CD300LB: variants seen among roughly 807,000 people sequenced by gnomAD.
The protein encoded by CD300LB is CMRF35-like molecule 7.
CD300LB carries 18 observed loss-of-function variants against 20.8 expected under a neutral mutation model. The observed-to-expected ratio is 0.87, with a 90% CI of 0.60 to 1.28. CD300LB has a LOEUF of 1.28. CD300LB is among the 50% of genes most tolerant of loss of function. CD300LB has a pLI of 0.00. For missense variants in CD300LB, 222 were observed against 251.8 expected (o/e 0.88, Z 0.80); for synonymous variants, 91 against 91.3 (o/e 1.00, Z 0.02).
Position 74,525,934 on chromosome 17 carries a change from T to A in CD300LB, c.184A>T (p.Ile62Phe). Residue 62 changes from isoleucine (I) to phenylalanine (F), a missense_variant, in exon 2 of 4, where the codon ATT (isoleucine) becomes TTT (phenylalanine). Physicochemically the swap from Ile to Phe is conservative, Grantham distance 21 (BLOSUM62 0). Transcript: ENST00000392621. ...CCTTGCTCCGACCCTCTGGTTTCAA[T>A]GAGGATCTTGCATGTATCCCAGCGC... is the stretch of plus-strand genomic sequence containing the variant. ...GVRWDTCKIL[I>F]ETRGSEQGEK... 6.2e-7 allele frequency: 1 copy of A among 1,614,170 alleles called. No individual in the cohort carries two copies. The highest frequency in any genetic ancestry group is 1.1e-5 in the South Asian group (1 of 91,088).
rs1007893368 is a variant in CD300LB at position 74,522,117 on chromosome 17, C to T, written c.*621G>A. 116 of 985,180 alleles carry T rather than the reference C, an allele frequency of 1.2e-4. No individual in the cohort carries two copies. The highest frequency in any genetic ancestry group is 6.8e-4 in the Admixed American group (11 of 16,256). The allele number at this position is 985,180 out of a possible 1,614,324, so 61.0% of individuals were successfully genotyped here. The stretch of plus-strand genomic sequence containing the variant: ...GGGAGGGGGAGGACAAGCACCGGGC[C>T]GGGCCAGGGAGGTTCCCATTGCCTC... On this transcript the variant is annotated 3_prime_UTR_variant, in exon 4 of 4. Transcript: ENST00000392621.
chr17:74,523,525 T>C, intron 3 of CD300LB, 54 bp downstream of exon 3: 1 of 1,314,962 alleles, frequency 7.6e-7, no homozygotes, highest in Non-Finnish European at 1.1e-6. Context: ...CAGGCTTGGC[T>C]TCCCCTTAGG....
chr17:74,527,311 G>T lies in CD300LB; in HGVS notation c.41-1234C>A, dbSNP rs554750299. On this transcript the variant is annotated intron_variant, in intron 1 of 3. Transcript: ENST00000392621. ...CGGGTTTCTTGATCACGCAGAAGTG[G>T]ATAAACAGGCAGAGAATCACAGGGG... is the stretch of plus-strand genomic sequence containing the variant. 1.5e-4 allele frequency among the ~76,000 whole-genome samples: 23 copies of T among 152,352 alleles called. No individual in the cohort carries two copies. In the East Asian group the frequency reaches 4.2e-3, roughly 28 times the overall value.
chr17:74,523,931 CT>C (rs1192033801), intron 2 of CD300LB, among the ~76,000 whole-genome samples: 6 of 152,066 alleles, frequency 3.9e-5, no homozygotes, highest in Non-Finnish European at 7.4e-5. Context: ...TTTTTTCATA[CT>C]TTCTTTCCAC....
At position 74,523,603 on chromosome 17, in the gene CD300LB, G is replaced by A; in HGVS notation, c.419C>T (p.Ala140Val). ...CCTCTTGTGGGAGCCGATGAACACTGCCATATTGCTGTTGGTAGGTGAGCT... is the reference window on the plus strand; with the variant it reads ...CCTCTTGTGGGAGCCGATGAACACTACCATATTGCTGTTGGTAGGTGAGCT... Reference protein sequence around the residue: ...TASSPTNSNMAVFIGSHKRNH... With the variant: ...TASSPTNSNMVVFIGSHKRNH... Residue 140 changes from alanine (A) to valine (V), a missense_variant, in exon 3 of 4, where the codon GCA (alanine) becomes GTA (valine). Coordinates refer to ENST00000392621, the MANE Select transcript of CD300LB (RefSeq NM_174892.4). 1 of 1,613,322 alleles carries A rather than the reference G, an allele frequency of 6.2e-7. No individual in the cohort carries two copies. The highest frequency in any genetic ancestry group is 8.5e-7 in the Non-Finnish European group (1 of 1,179,246).
Position 74,531,292 on chromosome 17 carries a change from A to G in CD300LB, c.40+19T>C. The G allele has an allele frequency of 6.5e-7, 1 of 1,539,992 alleles. No homozygotes were observed. ...CTGCCCCTGTCATACCAAGCGCCCA[A>G]GGCCCCAGCCCCACTCACCTGAGAG... On this transcript the variant is annotated intron_variant, in intron 1 of 3. Coordinates refer to ENST00000392621, the MANE Select transcript of CD300LB (RefSeq NM_174892.4).
Position 74,521,329 on chromosome 17 carries a change from C to T in CD300LB, c.*1409G>A, listed in dbSNP as rs966147972. 6.2e-5 allele frequency: 61 copies of T among 985,050 alleles called. No individual in the cohort carries two copies. Among genetic ancestry groups the T allele is most frequent in the Non-Finnish European group, 7.4e-5 (61 of 829,664 alleles). 61.0% of individuals were successfully genotyped at this position (985,050 alleles called of 1,614,324 possible). On this transcript the variant is annotated 3_prime_UTR_variant, in exon 4 of 4. Transcript: ENST00000392621. ...CCCTCCCGCGGAGCGGTGCCGTCCT[C>T]CCTGGGTCTGGTCGGATCTTCGGGA...
chr17:74,522,561 G>C lies in CD300LB; in HGVS notation c.*177C>G, dbSNP rs1013734260. The C allele has an allele frequency of 1.6e-5, 22 of 1,401,962 alleles. No individual in the cohort carries two copies. The highest frequency in any genetic ancestry group is 1.9e-5 in the Non-Finnish European group (21 of 1,077,790). 86.8% of individuals were successfully genotyped at this position (1,401,962 alleles called of 1,614,324 possible). On this transcript the variant is annotated 3_prime_UTR_variant, in exon 4 of 4. Transcript: ENST00000392621. ...GTGATGGTGGCTCAGGAGAGGACCT[G>C]GCTAAGTCCCTGAGCTGTGCAGAAC...
At chr17:74,529,508 G>T (rs146120646) in intron 1 of CD300LB, among the ~76,000 whole-genome samples, 1 of 151,944 alleles carries the variant, frequency 6.6e-6, no homozygotes, top group African/African-American at 2.4e-5. Context: ...AAGTCTTTTC[G>T]GGGCCGGGCA....
At position 74,522,368 on chromosome 17, in the gene CD300LB, C is replaced by T. The variant is rs891298701; in HGVS notation, c.*370G>A. 1.6e-5 allele frequency: 16 copies of T among 1,011,598 alleles called. No individual in the cohort carries two copies. Among genetic ancestry groups the T allele is most frequent in the Admixed American group, 5.8e-5 (1 of 17,182 alleles). The allele number at this position is 1,011,598 out of a possible 1,614,324, so 62.7% of individuals were successfully genotyped here. ...GCAAAGACGGTGTTGAGTTGGTCTC[C>T]GGAATGATGGAAGTCTAGGGCTGGG... On this transcript the variant is annotated 3_prime_UTR_variant, in exon 4 of 4. Coordinates refer to ENST00000392621, the MANE Select transcript of CD300LB (RefSeq NM_174892.4).
At chr17:74,527,936 C>T (rs932831187) in intron 1 of CD300LB, among the ~76,000 whole-genome samples, 1 of 152,146 alleles carries the variant, frequency 6.6e-6, no homozygotes, top group African/African-American at 2.4e-5. Context: ...CAAACTACCA[C>T]CTGATCTCCG....
chr17:74,526,467 C>T (rs1318408388), intron 1 of CD300LB, among the ~76,000 whole-genome samples: 1 of 152,328 alleles, frequency 6.6e-6, no homozygotes, highest in East Asian at 1.9e-4. Context: ...AATCCCAGCA[C>T]TTTGGGAAGC....
rs1000477831 is a variant in CD300LB at position 74,521,782 on chromosome 17, C to T, written c.*956G>A. ...AGGTCCCTTTGGTGTGAGGGTCCCTCAACCATACAGCACAAAGTGACCACA... is the reference window on the plus strand; with the variant it reads ...AGGTCCCTTTGGTGTGAGGGTCCCTTAACCATACAGCACAAAGTGACCACA... On this transcript the variant is annotated 3_prime_UTR_variant, in exon 4 of 4. Transcript: ENST00000392621. 8 of 985,448 alleles carry T rather than the reference C, an allele frequency of 8.1e-6. No homozygotes were observed. The highest frequency in any genetic ancestry group is 1.7e-5 in the African/African-American group (1 of 57,226). The allele number at this position is 985,448 out of a possible 1,614,324, so 61.0% of individuals were successfully genotyped here. A position where few individuals can be genotyped will look rare whatever the true frequency, so the allele number is the denominator to read the frequency against.
At chr17:74,530,813 AT>A (rs144890805) in intron 1 of CD300LB, among the ~76,000 whole-genome samples, 1 of 149,642 alleles carries the variant, frequency 6.7e-6, no homozygotes, top group South Asian at 2.1e-4. Context: ...TTTTTACTTT[AT>A]TTTTTTTTTG....
chr17:74,523,500 A>T (rs901149072), intron 3 of CD300LB, 79 bp downstream of exon 3: 6 of 987,688 alleles, frequency 6.1e-6, no homozygotes, highest in Non-Finnish European at 9.8e-6. Context: ...GCATTTGGTG[A>T]CAGGCAGGAG....
chr17:74,521,839 G>A lies in CD300LB; in HGVS notation c.*899C>T, dbSNP rs1907889438. On this transcript the variant is annotated 3_prime_UTR_variant, in exon 4 of 4. Coordinates refer to ENST00000392621, the MANE Select transcript of CD300LB (RefSeq NM_174892.4). ...GGCCTCATCGCCGTGGGTGAAGCCT[G>A]TGAGGAGACAGAACCACTTCCCTAG... 4 of 985,398 alleles carry A rather than the reference G, an allele frequency of 4.1e-6. No individual in the cohort carries two copies. The highest frequency in any genetic ancestry group is 6.1e-5 in the Admixed American group (1 of 16,272). The allele number at this position is 985,398 out of a possible 1,614,324, so 61.0% of individuals were successfully genotyped here. A position where few individuals can be genotyped will look rare whatever the true frequency, so the allele number is the denominator to read the frequency against.
intron 1 of CD300LB, among the ~76,000 whole-genome samples, chr17:74,526,731 A>G (rs1908047621): frequency 6.6e-6 from 1 of 152,136 alleles, no homozygotes; most frequent in Admixed American, 6.6e-5. Flanking sequence ...AAAAAGAAAA[A>G]AAATCTGGTT....
chr17:74,529,274 A>T (rs1051687732), intron 1 of CD300LB, among the ~76,000 whole-genome samples: 1 of 152,128 alleles, frequency 6.6e-6, no homozygotes, highest in Admixed American at 6.6e-5. Flanking sequence ...GCATCTGGAG[A>T]GGTCTTCCCA....
Position 74,531,322 on chromosome 17 carries a change from A to C in CD300LB, c.29T>G (p.Leu10Arg). The C allele has an allele frequency of 6.3e-7, 1 of 1,595,316 alleles. No individual in the cohort carries two copies. Among genetic ancestry groups the C allele is most frequent in the South Asian group, 1.1e-5 (1 of 88,656 alleles). ...CCAGCCCCACTCACCTGAGAGGCTG[A>C]GAAGGAGCAGAGCAGGGGGCAGCCA... MWLPPALLLLSLSGCFSIQG... is the reference protein window; with the variant it reads MWLPPALLLRSLSGCFSIQG... Residue 10 changes from leucine to arginine, a missense_variant, in exon 1 of 4, where the codon CTC becomes CGC. Coordinates refer to ENST00000392621, the MANE Select transcript of CD300LB (RefSeq NM_174892.4).
Sources: gnomAD v4.1 joint callset for allele counts (sites outside exome capture counted in the v4.1 genomes callset) on GRCh38, gnomAD v4.1.1 for gene constraint, MANE v1.5 for transcripts, NCBI Gene and HGNC (gene_info 2026-07-23, HGNC 2026-07-21) for gene names.